Variants in SHANK2 observed in about 807,000 individuals in gnomAD.
SHANK2 encodes SH3 and multiple ankyrin repeat domains protein 2.
In SHANK2, 43 loss-of-function variants were observed where a neutral mutation model predicts 133.7. The observed-to-expected ratio is 0.32, with a 90% CI of 0.25 to 0.41. The LOEUF (loss-of-function observed/expected upper bound fraction) is 0.41, where lower values mean the gene tolerates loss of function less well. Ranked by LOEUF, SHANK2 falls within the 10% of genes least tolerant of loss-of-function variation. SHANK2 has a pLI of 1.00. For synonymous variants in SHANK2, 1,017 were observed against 952.8 expected, an observed-to-expected ratio of 1.07 and a Z score of -1.24; for missense variants, 1,994 against 2,235.8, an observed-to-expected ratio of 0.89 and a Z score of 2.18.
At chr11:70,687,712 A>G (rs987123056) in intron 15 of SHANK2, among the ~76,000 whole-genome samples, 2 of 152,142 alleles carry the variant, frequency 1.3e-5, no homozygotes, top group African/African-American at 4.8e-5. Context: ...GGGCTCAGGG[A>G]TTTTAGGAGA....
At chr11:70,921,485 T>C (rs1275574905) in intron 10 of SHANK2, among the ~76,000 whole-genome samples, 2 of 152,248 alleles carry the variant, frequency 1.3e-5, no homozygotes, top group South Asian at 2.1e-4. Flanking sequence ...GGGAGTTGTC[T>C]GGGCTAGAGG....
At chr11:70,885,471 G>A (rs1377835590) in intron 11 of SHANK2, among the ~76,000 whole-genome samples, 1 of 152,232 alleles carries the variant, frequency 6.6e-6, no homozygotes, top group East Asian at 1.9e-4. Context: ...AGTCAGTGCG[G>A]CCAGGGACTC....
intron 17 of SHANK2, among the ~76,000 whole-genome samples, chr11:70,621,656 G>A (rs564370959): frequency 1.6e-3 from 238 of 152,308 alleles, no homozygotes; most frequent in Non-Finnish European, 3.0e-3. Flanking sequence ...GGTCTGATAC[G>A]GTAGCCCCAG....
chr11:71,197,480 C>A (rs2135607501), intron 2 of SHANK2, among the ~76,000 whole-genome samples: 1 of 152,346 alleles, frequency 6.6e-6, no homozygotes, highest in Non-Finnish European at 1.5e-5. Context: ...TGGTGCCAGG[C>A]AAGCTGAGGC....
chr11:71,108,493 A>C (rs1590919947), intron 6 of SHANK2, among the ~76,000 whole-genome samples: 1 of 149,422 alleles, frequency 6.7e-6, no homozygotes, highest in Non-Finnish European at 1.5e-5. Flanking sequence ...TGTCCCAATC[A>C]CTCCCTTTCC....
intron 17 of SHANK2, among the ~76,000 whole-genome samples, chr11:70,538,474 T>C (rs961148318): frequency 6.6e-6 from 1 of 152,180 alleles, no homozygotes; most frequent in Admixed American, 6.5e-5. Flanking sequence ...ATGGCTCATA[T>C]GGTATTCTGG....
At chr11:70,678,169 CAG>C (rs1944941836) in intron 15 of SHANK2, among the ~76,000 whole-genome samples, 1 of 152,202 alleles carries the variant, frequency 6.6e-6, no homozygotes, top group Non-Finnish European at 1.5e-5. Flanking sequence ...GTTTTTGAAA[CAG>C]AGTCTCACTC....
At chr11:70,792,080 CAACA>C (rs1193804983) in intron 14 of SHANK2, among the ~76,000 whole-genome samples, 8 of 152,106 alleles carry the variant, frequency 5.3e-5, no homozygotes, top group African/African-American at 1.9e-4. Flanking sequence ...TCCATCCAAC[CAACA>C]AACCAATCAG....
intron 25 of SHANK2, among the ~76,000 whole-genome samples, chr11:70,481,120 T>C (rs150455602): frequency 1.3e-5 from 2 of 152,242 alleles, no homozygotes; most frequent in African/African-American, 4.8e-5. Flanking sequence ...CAGGTGGTCC[T>C]GGAACACTTT....
chr11:71,206,539 A>G (rs1377921645), intron 2 of SHANK2, among the ~76,000 whole-genome samples: 9 of 152,278 alleles, frequency 5.9e-5, no homozygotes, highest in African/African-American at 2.2e-4. Context: ...CTATTCTCAT[A>G]TCCACAGTTA....
At chr11:70,478,306 A>G (rs914282746) in intron 25 of SHANK2, among the ~76,000 whole-genome samples, 1 of 151,998 alleles carries the variant, frequency 6.6e-6, no homozygotes, top group Non-Finnish European at 1.5e-5. Context: ...GTAGCTGAAC[A>G]TGGGCCAGGG....
At chr11:70,927,476 C>T (rs141721064) in intron 10 of SHANK2, among the ~76,000 whole-genome samples, 12 of 151,936 alleles carry the variant, frequency 7.9e-5, no homozygotes, top group African/African-American at 1.9e-4. Context: ...TGATGGGGCC[C>T]GACATGGGGA....
chr11:70,662,931 C>CG (rs367704067), intron 15 of SHANK2, among the ~76,000 whole-genome samples: 2 of 152,118 alleles, frequency 1.3e-5, no homozygotes, highest in East Asian at 3.9e-4. Context: ...GGCACCCCCC[C>CG]GCCCCGTAGG....
chr11:71,200,528 T>C (rs1299595860), intron 2 of SHANK2, among the ~76,000 whole-genome samples: 1 of 137,900 alleles, frequency 7.3e-6, no homozygotes, highest in Non-Finnish European at 1.6e-5. Context: ...AACTTCACTC[T>C]ACATTTGACT....
Position 71,113,149 on chromosome 11 carries a change from G to C in SHANK2, c.483+144C>G, listed in dbSNP as rs549513838. On this transcript the variant is annotated intron_variant, in intron 5 of 25. Transcript: ENST00000601538. Reference sequence around the variant, plus strand: ...CAGTGTGCACCGTAAGGGCCAGTCTGCCTGTACATCCCAGCCCAGCCACAC... The same window carrying C: ...CAGTGTGCACCGTAAGGGCCAGTCTCCCTGTACATCCCAGCCCAGCCACAC... 9.2e-6 allele frequency: 7 copies of C among 757,990 alleles called. No homozygotes were observed. In the East Asian group the frequency reaches 1.6e-4, roughly 18 times the overall value. 47.0% of individuals were successfully genotyped at this position (757,990 alleles called of 1,614,324 possible). A position where few individuals can be genotyped will look rare whatever the true frequency, so the allele number is the denominator to read the frequency against.
At chr11:70,491,265 C>T (rs553299221) in intron 22 of SHANK2, among the ~76,000 whole-genome samples, 1 of 152,016 alleles carries the variant, frequency 6.6e-6, no homozygotes, top group African/African-American at 2.4e-5. Context: ...TCCACAGCCT[C>T]TGTTTGTCTC....
intron 17 of SHANK2, among the ~76,000 whole-genome samples, chr11:70,531,173 A>AC (rs1388835204): frequency 1.3e-5 from 2 of 151,160 alleles, no homozygotes; most frequent in Non-Finnish European, 3.0e-5. Context: ...AAAAAAAAAA[A>AC]AAAAAAAACA....
At chr11:71,057,207 G>C (rs1043273832) in intron 9 of SHANK2, among the ~76,000 whole-genome samples, 1 of 152,070 alleles carries the variant, frequency 6.6e-6, no homozygotes, top group East Asian at 1.9e-4. Context: ...GGAGGCATGC[G>C]CCTGTAATCC....
chr11:71,180,538 G>C (rs1953534350), intron 2 of SHANK2, among the ~76,000 whole-genome samples: 1 of 151,930 alleles, frequency 6.6e-6, no homozygotes, highest in Non-Finnish European at 1.5e-5. Context: ...GAAAGTCTAG[G>C]TTGCAAAGAA....
Sources: gnomAD v4.1 joint callset for allele counts (sites outside exome capture counted in the v4.1 genomes callset) on GRCh38, gnomAD v4.1.1 for gene constraint, MANE v1.5 for transcripts, NCBI Gene and HGNC (gene_info 2026-07-23, HGNC 2026-07-21) for gene names.